The following DZIP1 variants were observed in gnomAD, a reference collection of about 807,000 sequenced individuals.
DZIP1 encodes the protein DAZ interacting zinc finger protein 1.
DZIP1 carries 97 observed loss-of-function variants against 107.6 expected under a neutral mutation model. The ratio of observed to expected loss-of-function variants is 0.90; its 90% CI spans 0.77 to 1.07. The LOEUF is 1.07. Among genes scored for constraint, DZIP1 ranks in the 50% least tolerant of loss-of-function variants. The pLI is 0.00. For synonymous variants in DZIP1, 390 were observed against 386.4 expected (o/e 1.01, Z -0.11); for missense variants, 1,035 against 1,063.6 (o/e 0.97, Z 0.37).
Position 95,584,761 on chromosome 13 carries a change from A to C in DZIP1, c.2499T>G (p.Phe833Leu). Residue 833 changes from phenylalanine (F) to leucine (L), a missense_variant, in exon 22 of 23, where the codon TTT (phenylalanine) becomes TTG (leucine). Transcript: ENST00000376829. The part of the protein sequence containing the change: ...FAHVLNAWGA[F>L]NPKGPKGEGL... ...CTTCTCCCTTTGGCCCCTTAGGATTAAATGCGCCCCAGGCATTTAGCACAT... is the reference window on the plus strand; with the variant it reads ...CTTCTCCCTTTGGCCCCTTAGGATTCAATGCGCCCCAGGCATTTAGCACAT... 3.1e-6 allele frequency: 5 copies of C among 1,614,050 alleles called. No individual in the cohort carries two copies. The highest frequency in any genetic ancestry group is 4.2e-6 in the Non-Finnish European group (5 of 1,179,962).
intron 22 of DZIP1, among the ~76,000 whole-genome samples, chr13:95,583,878 C>T (rs1384650814): frequency 6.6e-6 from 1 of 151,964 alleles, no homozygotes; most frequent in Admixed American, 6.6e-5. Flanking sequence ...GTCACAGCTA[C>T]TCAGGAGACT....
chr13:95,610,869 T>C (rs1212563791), intron 12 of DZIP1, among the ~76,000 whole-genome samples: 2 of 152,206 alleles, frequency 1.3e-5, no homozygotes, highest in Non-Finnish European at 2.9e-5. Flanking sequence ...GTCTCATGCA[T>C]TAGCTGGCCA....
Position 95,641,765 on chromosome 13 carries a change from T to A in DZIP1, c.127A>T (p.Met43Leu). The A allele has an allele frequency of 6.4e-7, 1 of 1,567,890 alleles. No homozygotes were observed. Among genetic ancestry groups the A allele is most frequent in the Non-Finnish European group, 8.6e-7 (1 of 1,167,080 alleles). ...GCCGCGCTGGGGGGCGCACAGGCCA[T>A]GGAGGCCGCACCCGCGGCGGCGGCG... The part of the protein sequence containing the change: ...VAAAAAGAAS[M>L]ACAPPSAASG... The change falls in exon 5 of 23, where the codon ATG becomes TTG. Residue 43 changes from methionine to leucine, a missense_variant. Physicochemically the swap from Met to Leu is conservative, Grantham distance 15. Coordinates refer to ENST00000376829, the MANE Select transcript of DZIP1 (RefSeq NM_198968.4). The surrounding 1 kb of genome is among the most constrained non-coding windows in gnomAD (Gnocchi z 4.3).
In DZIP1 at chr13:95,594,040, C is replaced by T. The variant is rs1197893903; in HGVS notation, c.1584G>A (p.Arg528=). The change falls in exon 16 of 23, where the codon AGG becomes AGA. Residue 528 remains arginine, a synonymous_variant. Transcript: ENST00000376829. Reference sequence around the variant, plus strand: ...GGGAGGAGTTACTCTTCAAAGCTTTCCTTAAATGCATTTTGTTGTTATTTA... The same window carrying T: ...GGGAGGAGTTACTCTTCAAAGCTTTTCTTAAATGCATTTTGTTGTTATTTA... The part of the protein sequence containing the change: ...QKLNNNKMHL[R]KALKSNSSLT... 6.2e-7 allele frequency: 1 copy of T among 1,609,730 alleles called. No individual in the cohort carries two copies. Among genetic ancestry groups the T allele is most frequent in the African/African-American group, 1.3e-5 (1 of 74,810 alleles).
intron 7 of DZIP1, among the ~76,000 whole-genome samples, chr13:95,629,130 C>A (rs888378510): frequency 2.0e-5 from 3 of 152,254 alleles, no homozygotes; most frequent in Non-Finnish European, 4.4e-5. Context: ...CACTTGCTGT[C>A]CCCATGGGGG....
chr13:95,597,244 G>T (rs557211665), intron 15 of DZIP1, among the ~76,000 whole-genome samples: 6 of 152,240 alleles, frequency 3.9e-5, no homozygotes, highest in Non-Finnish European at 4.4e-5. Context: ...ATTCCTATAG[G>T]AACCCTCACT....
chr13:95,584,748 G>GC lies in DZIP1; in HGVS notation c.2511dup (p.Pro838AlafsTer10). ...GAAAGCAGCAAACCTTCTCCCTTTG[G>GC]CCCCTTAGGATTAAATGCGCCCCAG... On this transcript the variant is annotated frameshift_variant, in exon 22 of 23. Coordinates refer to ENST00000376829, the MANE Select transcript of DZIP1 (RefSeq NM_198968.4). LOFTEE classifies it low-confidence loss of function (END_TRUNC). 4 of 1,613,140 alleles carry GC rather than the reference G, an allele frequency of 2.5e-6. No homozygotes were observed. In the Middle Eastern group the frequency reaches 6.6e-4, roughly 266 times the overall value.
intron 21 of DZIP1, among the ~76,000 whole-genome samples, 187 bp from the exon 22 acceptor site, chr13:95,585,097 T>A (rs2044126564): frequency 6.6e-6 from 1 of 152,216 alleles, no homozygotes; most frequent in South Asian, 2.1e-4. Context: ...TATTTTGAAA[T>A]CTGAATCATC....
intron 13 of DZIP1, among the ~76,000 whole-genome samples, chr13:95,607,550 C>T (rs1056922388): frequency 6.6e-6 from 1 of 152,144 alleles, no homozygotes; most frequent in Non-Finnish European, 1.5e-5. Flanking sequence ...TGGAATACAG[C>T]CAAGCTCCTT....
At chr13:95,627,044 A>G (rs1400100019) in intron 7 of DZIP1, among the ~76,000 whole-genome samples, 1 of 152,254 alleles carries the variant, frequency 6.6e-6, no homozygotes, top group Non-Finnish European at 1.5e-5. Flanking sequence ...GAGGCCACAA[A>G]TAACCAAAAC....
chr13:95,640,438 C>G (rs1290995134), intron 5 of DZIP1, among the ~76,000 whole-genome samples: 1 of 152,148 alleles, frequency 6.6e-6, no homozygotes, highest in African/African-American at 2.4e-5. Context: ...TCCAGTGAGG[C>G]CTTTTAAGCC....
At position 95,620,269 on chromosome 13, in the gene DZIP1, G is replaced by C. The variant is rs141755937; in HGVS notation, c.1111-322C>G. Among the ~76,000 whole-genome samples the C allele has an allele frequency of 4.4e-3, 670 of 152,220 alleles. 8 individuals carry two copies. Among genetic ancestry groups the C allele is most frequent in the African/African-American group, 0.016 (644 of 41,524 alleles). On this transcript the variant is annotated intron_variant, in intron 9 of 22. Transcript: ENST00000376829. Reference sequence around the variant, plus strand: ...GCTCCATCATCTTAAGACGTGCTTGGTTCCCCTTTGTCCTTCTGCCAATGA... The same window carrying C: ...GCTCCATCATCTTAAGACGTGCTTGCTTCCCCTTTGTCCTTCTGCCAATGA...
At chr13:95,629,172 C>T (rs1462996269) in intron 7 of DZIP1, among the ~76,000 whole-genome samples, 1 of 152,222 alleles carries the variant, frequency 6.6e-6, no homozygotes, top group Non-Finnish European at 1.5e-5. Flanking sequence ...ACTGTCACTC[C>T]AACAGTCACA....
chr13:95,598,749 T>G (rs540126997), intron 15 of DZIP1, among the ~76,000 whole-genome samples: 1 of 152,300 alleles, frequency 6.6e-6, no homozygotes, highest in East Asian at 1.9e-4. Context: ...ATGTTCCTCA[T>G]AATTAAACCT....
chr13:95,633,334 G>C lies in DZIP1; in HGVS notation c.598-13C>G, dbSNP rs752133555. 12 of 1,608,642 alleles carry C rather than the reference G, an allele frequency of 7.5e-6. No homozygotes were observed. Among genetic ancestry groups the C allele is most frequent in the Non-Finnish European group, 1.0e-5 (12 of 1,175,326 alleles). ...CACAAAAATGGCACTGAAAAGGAGA[G>C]AGCAACAAATCCAAGTGTCTGTAAC... On this transcript the variant is annotated splice_polypyrimidine_tract_variant and intron_variant, in intron 5 of 22. Coordinates refer to ENST00000376829, the MANE Select transcript of DZIP1 (RefSeq NM_198968.4).
intron 16 of DZIP1, among the ~76,000 whole-genome samples, chr13:95,592,381 C>A (rs1422634982): frequency 1.3e-5 from 2 of 152,188 alleles, no homozygotes; most frequent in South Asian, 4.1e-4. Flanking sequence ...AAGAAACAAT[C>A]TGCACAGGAA....
At chr13:95,622,838 G>A (rs1221916198) in intron 8 of DZIP1, among the ~76,000 whole-genome samples, 1 of 151,860 alleles carries the variant, frequency 6.6e-6, no homozygotes, top group African/African-American at 2.4e-5. Context: ...AACCCCCTGG[G>A]TTCAAGCAAT....
chr13:95,643,890 C>T (rs990888408), intron 1 of DZIP1, among the ~76,000 whole-genome samples, 192 bp from the exon 2 acceptor site: 1 of 152,212 alleles, frequency 6.6e-6, no homozygotes, highest in Non-Finnish European at 1.5e-5. Context: ...CAGAGCTGAA[C>T]GTGGGGGTGG....
intron 13 of DZIP1, among the ~76,000 whole-genome samples, chr13:95,608,813 T>C (rs1161067708): frequency 2.6e-5 from 4 of 152,198 alleles, no homozygotes; most frequent in African/African-American, 9.7e-5. Context: ...CCCATGAGCG[T>C]GGTGCTGTCT....
Sources: allele counts gnomAD v4.1 joint callset (sites outside exome capture counted in the v4.1 genomes callset), GRCh38; gene constraint gnomAD v4.1.1; non-coding constraint Gnocchi (gnomAD v3.1); transcripts MANE v1.5; gene names NCBI Gene and HGNC (gene_info 2026-07-23, HGNC 2026-07-21).